The following EHBP1 variants were observed in gnomAD, a reference collection of about 807,000 sequenced individuals.
The protein encoded by EHBP1 is EH domain binding protein 1.
A neutral mutation model predicts 144.0 loss-of-function variants in EHBP1; 55 were observed. The ratio of observed to expected loss-of-function variants is 0.38; its 90% CI spans 0.31 to 0.48. The LOEUF (loss-of-function observed/expected upper bound fraction) is 0.48. Ranked by LOEUF, EHBP1 falls within the 20% of genes least tolerant of loss-of-function variation. The pLI, the probability that EHBP1 is intolerant of heterozygous loss-of-function variation, is 0.98. For missense variants in EHBP1, 1,200 were observed against 1,364.2 expected (o/e 0.88, Z 1.90); for synonymous variants, 469 against 472.7 (o/e 0.99, Z 0.10).
chr2:62,975,278 G>A (rs946892135), intron 14 of EHBP1, among the ~76,000 whole-genome samples: 2 of 152,142 alleles, frequency 1.3e-5, no homozygotes, highest in Non-Finnish European at 2.9e-5. Flanking sequence ...GGCCTTTTCT[G>A]ACCTAGCCTT....
chr2:62,824,691 A>G (rs905416235), intron 5 of EHBP1, among the ~76,000 whole-genome samples: 3 of 152,010 alleles, frequency 2.0e-5, no homozygotes, highest in Non-Finnish European at 4.4e-5. Flanking sequence ...AGTTCTGTAT[A>G]TTATTGCTGT....
intron 12 of EHBP1, among the ~76,000 whole-genome samples, chr2:62,946,027 T>C (rs981883525): frequency 3.3e-5 from 5 of 152,222 alleles, no homozygotes; most frequent in Non-Finnish European, 7.3e-5. Context: ...ATTATATCTT[T>C]GGGTGTGGCA....
intron 15 of EHBP1, among the ~76,000 whole-genome samples, chr2:62,982,682 A>G (rs763595334): frequency 1.2e-4 from 18 of 152,192 alleles, no homozygotes; most frequent in Non-Finnish European, 2.5e-4. Context: ...GCAGTAGTCC[A>G]GAGTGATAAA....
intron 10 of EHBP1, among the ~76,000 whole-genome samples, chr2:62,927,206 T>G (rs926402412): frequency 2.6e-5 from 4 of 151,084 alleles, no homozygotes; most frequent in Non-Finnish European, 5.9e-5. Context: ...GCAGGGGAGG[T>G]GGTGGGGAGA....
rs141543342 is a variant in EHBP1, at chr2:62,844,406, G to A, written c.634+13248G>A. Among the ~76,000 whole-genome samples, 679 of 152,240 alleles carry A rather than the reference G, an allele frequency of 4.5e-3. 5 individuals are homozygous for A. Among genetic ancestry groups the A allele is most frequent in the African/African-American group, 0.016 (663 of 41,538 alleles). On this transcript the variant is annotated intron_variant, in intron 7 of 22. Transcript: ENST00000431489. Reference sequence around the variant, plus strand: ...ACTGAGGTACAGCACCAGTGAATAGGCAGGAGAATTTTGAATTACAGTTGG... The same window carrying A: ...ACTGAGGTACAGCACCAGTGAATAGACAGGAGAATTTTGAATTACAGTTGG...
intron 7 of EHBP1, among the ~76,000 whole-genome samples, chr2:62,844,624 TC>T (rs2048164668): frequency 6.6e-6 from 1 of 152,126 alleles, no homozygotes; most frequent in Non-Finnish European, 1.5e-5. Context: ...ATGTTGAATT[TC>T]TGAATACACA....
chr2:62,888,476 C>T (rs544623398), intron 10 of EHBP1, among the ~76,000 whole-genome samples: 20 of 152,288 alleles, frequency 1.3e-4, no homozygotes, highest in African/African-American at 4.6e-4. Flanking sequence ...ATCAGTATAT[C>T]GTGAAGTAAC....
rs1418344812 is a variant in EHBP1, at chr2:62,793,081, T to C, written c.312+21689T>C. Among the ~76,000 whole-genome samples the C allele has an allele frequency of 2.6e-5, 4 of 152,144 alleles. No individual in the cohort carries two copies. In the East Asian group the frequency reaches 5.8e-4, roughly 22 times the overall value. ...ATTTAGCATTTTTCTTTCGAACATA[T>C]ACATGTTGTATAATTTTTTTAGGGT... On this transcript the variant is annotated intron_variant, in intron 5 of 22. Transcript: ENST00000431489.
intron 10 of EHBP1, among the ~76,000 whole-genome samples, chr2:62,900,889 A>AT (rs1163667033): frequency 4.6e-5 from 7 of 152,060 alleles, no homozygotes; most frequent in Non-Finnish European, 7.4e-5. Context: ...GTATTTGATT[A>AT]TTTTTTATTA....
chr2:62,860,424 G>A (rs2049416878), intron 8 of EHBP1, among the ~76,000 whole-genome samples: 2 of 152,094 alleles, frequency 1.3e-5, no homozygotes, highest in South Asian at 2.1e-4. Context: ...CTGGGAGGCG[G>A]AGGTTGCAGT....
At chr2:62,854,272 A>G (rs780266120) in intron 7 of EHBP1, among the ~76,000 whole-genome samples, 15 of 152,266 alleles carry the variant, frequency 9.9e-5, no homozygotes, top group Non-Finnish European at 1.5e-4. Flanking sequence ...CTGCATCAGC[A>G]ATAAGGCTTT....
intron 2 of EHBP1, among the ~76,000 whole-genome samples, chr2:62,723,754 C>A (rs778789075): frequency 6.6e-6 from 1 of 152,198 alleles, no homozygotes; most frequent in African/African-American, 2.4e-5. Flanking sequence ...TTTGGTGAGA[C>A]ATGAAATTCT....
chr2:62,769,500 A>G (rs1214688195), intron 4 of EHBP1, among the ~76,000 whole-genome samples: 1 of 152,202 alleles, frequency 6.6e-6, no homozygotes, highest in Non-Finnish European at 1.5e-5. Context: ...TGCTCAAAGA[A>G]ATCAGAGATG....
At chr2:62,857,596 A>G (rs1161898797) in intron 7 of EHBP1, among the ~76,000 whole-genome samples, 1 of 152,176 alleles carries the variant, frequency 6.6e-6, no homozygotes, top group African/African-American at 2.4e-5. Context: ...CTGTATCGTT[A>G]TACCTAAGCT....
chr2:62,891,747 C>A (rs1208230730), intron 10 of EHBP1, among the ~76,000 whole-genome samples: 2 of 152,090 alleles, frequency 1.3e-5, no homozygotes, highest in Admixed American at 6.6e-5. Flanking sequence ...CGCAGACTTG[C>A]ATATAGCGAG....
At chr2:62,956,199 A>G (rs1460659449) in intron 14 of EHBP1, 2 of 152,258 alleles carry the variant, frequency 1.3e-5, no homozygotes, top group African/African-American at 4.8e-5. Flanking sequence ...TTCCTATCAT[A>G]TACTGCCATC....
intron 13 of EHBP1, among the ~76,000 whole-genome samples, chr2:62,953,019 G>A (rs956465438): frequency 1.3e-5 from 2 of 152,016 alleles, no homozygotes; most frequent in Non-Finnish European, 2.9e-5. Context: ...GGGAGTTTGA[G>A]ACCAGCCTGA....
chr2:62,758,705 A>G (rs2040510485), intron 3 of EHBP1, among the ~76,000 whole-genome samples: 4 of 152,066 alleles, frequency 2.6e-5, no homozygotes, highest in Admixed American at 2.6e-4. Flanking sequence ...AGAAACCATA[A>G]CTTTAAAATC....
chr2:62,869,956 T>A (rs1007248202), intron 9 of EHBP1, among the ~76,000 whole-genome samples: 3 of 152,184 alleles, frequency 2.0e-5, no homozygotes, highest in Admixed American at 1.3e-4. Flanking sequence ...TATTTAATAA[T>A]AAGTAATATA....
Sources: gnomAD v4.1 joint callset for allele counts (sites outside exome capture counted in the v4.1 genomes callset) on GRCh38, gnomAD v4.1.1 for gene constraint, MANE v1.5 for transcripts, NCBI Gene and HGNC (gene_info 2026-07-23, HGNC 2026-07-21) for gene names.